The following NKAIN2 variants were observed in gnomAD, a reference collection of about 807,000 sequenced individuals.
The protein encoded by NKAIN2 is sodium/potassium-transporting ATPase subunit beta-1-interacting protein 2.
Under a neutral mutation model 32.6 loss-of-function variants are expected in NKAIN2, and 14 were observed. The observed-to-expected ratio is 0.43, with a 90% confidence interval of 0.28 to 0.67. The LOEUF (loss-of-function observed/expected upper bound fraction) is 0.67, where lower values mean the gene tolerates loss of function less well. NKAIN2 is among the 30% of genes least tolerant of loss of function. The probability of loss-of-function intolerance (pLI) is 0.17; values close to 1 mark genes in which losing one functional copy is unlikely to be tolerated. For synonymous variants in NKAIN2, 80 were observed against 87.2 expected, an observed-to-expected ratio of 0.92 and a Z score of 0.46; for missense variants, 198 against 258.3, an observed-to-expected ratio of 0.77 and a Z score of 1.60.
At chr6:124,533,397 G>C (rs1046048193) in intron 3 of NKAIN2, among the ~76,000 whole-genome samples, 5 of 145,406 alleles carry the variant, frequency 3.4e-5, no homozygotes, top group Non-Finnish European at 6.0e-5. Flanking sequence ...GCGTGAACCC[G>C]GGAGGTGGAG....
intron 4 of NKAIN2, among the ~76,000 whole-genome samples, chr6:124,667,695 G>T (rs1056867720): frequency 4.6e-5 from 7 of 152,000 alleles, no homozygotes; most frequent in Non-Finnish European, 7.4e-5. Flanking sequence ...AATAATAGTA[G>T]GATATGTTAG....
intron 1 of NKAIN2, among the ~76,000 whole-genome samples, chr6:124,095,768 G>A (rs1438120898): frequency 1.3e-5 from 2 of 152,074 alleles, no homozygotes; most frequent in Non-Finnish European, 2.9e-5. Context: ...ATAATACGAA[G>A]TGATCATGTT....
At chr6:124,596,198 G>C (rs1782079813) in intron 3 of NKAIN2, among the ~76,000 whole-genome samples, 1 of 152,168 alleles carries the variant, frequency 6.6e-6, no homozygotes, top group Non-Finnish European at 1.5e-5. Flanking sequence ...TGAATGTTGG[G>C]GTGGGGAACA....
intron 3 of NKAIN2, among the ~76,000 whole-genome samples, chr6:124,469,988 T>A (rs1326067602): frequency 1.3e-5 from 2 of 152,008 alleles, no homozygotes; most frequent in African/African-American, 2.4e-5. Flanking sequence ...AGGATTACTC[T>A]GGAGTTACAG....
chr6:124,801,826 A>G (rs1203622872), intron 5 of NKAIN2, among the ~76,000 whole-genome samples: 2 of 152,232 alleles, frequency 1.3e-5, no homozygotes, highest in African/African-American at 4.8e-5. Context: ...CCTAAGGGAT[A>G]AATTAGAGGA....
rs989288343 is a variant in NKAIN2 at position 124,411,995 on chromosome 6, C to A, written c.273+56648C>A. The stretch of plus-strand genomic sequence containing the variant: ...CATTGGTTACTGAGGCTTGTGCATT[C>A]ATCACGTGGTTCTCGTGCCGTGGTT... On this transcript the variant is annotated intron_variant, in intron 3 of 6. Transcript: ENST00000368417. Among the ~76,000 whole-genome samples the A allele has an allele frequency of 3.9e-5, 6 of 152,324 alleles. No homozygotes were observed. The South Asian group carries it at 8.3e-4, about 21-fold the overall frequency.
rs80080511 is a variant in NKAIN2, at chr6:124,792,555, G to A, written c.535+1156G>A. On this transcript the variant is annotated intron_variant, in intron 5 of 6. Coordinates refer to ENST00000368417, the MANE Select transcript of NKAIN2 (RefSeq NM_001040214.3). ...GTCATACATAATATTTTACCTGTAG[G>A]AACTTGCCAACTAGGAGGTTAAAAC... is the stretch of plus-strand genomic sequence containing the variant. 3.7e-3 allele frequency among the ~76,000 whole-genome samples: 561 copies of A among 152,240 alleles called. 2 individuals carry two copies. Among genetic ancestry groups the A allele is most frequent in the African/African-American group, 0.013 (542 of 41,542 alleles).
At chr6:124,352,000 T>C (rs1798756360) in intron 2 of NKAIN2, among the ~76,000 whole-genome samples, 1 of 152,158 alleles carries the variant, frequency 6.6e-6, no homozygotes, top group Non-Finnish European at 1.5e-5. Flanking sequence ...TAGTGAAAAT[T>C]CAAGTATTGT....
intron 1 of NKAIN2, among the ~76,000 whole-genome samples, chr6:124,248,135 A>C (rs114049289): frequency 6.6e-6 from 1 of 152,136 alleles, no homozygotes; most frequent in Non-Finnish European, 1.5e-5. Context: ...ATTGACCAGT[A>C]TGTCAATAAA....
At position 124,801,642 on chromosome 6, in the gene NKAIN2, C is replaced by A. The variant is rs187075252; in HGVS notation, c.535+10243C>A. On this transcript the variant is annotated intron_variant, in intron 5 of 6. Transcript: ENST00000368417. ...ACAGGTACCATCTTTGCCTTTATGGCGCCTACAATCCAGTGCACAATTTAC... is the reference window on the plus strand; with the variant it reads ...ACAGGTACCATCTTTGCCTTTATGGAGCCTACAATCCAGTGCACAATTTAC... Among the ~76,000 whole-genome samples the A allele has an allele frequency of 2.0e-5, 3 of 152,168 alleles. No individual in the cohort carries two copies. In the East Asian group the frequency reaches 5.8e-4, roughly 29 times the overall value.
At chr6:123,884,074 A>G (rs182456586) in intron 1 of NKAIN2, among the ~76,000 whole-genome samples, 87 of 151,976 alleles carry the variant, frequency 5.7e-4, no homozygotes, top group African/African-American at 1.9e-3. Context: ...TAAGCCTAGT[A>G]CCCATTAGGT....
At chr6:124,324,524 C>T (rs930212501) in intron 2 of NKAIN2, among the ~76,000 whole-genome samples, 1 of 151,974 alleles carries the variant, frequency 6.6e-6, no homozygotes, top group Non-Finnish European at 1.5e-5. Context: ...TAAGTAGATT[C>T]AACTGAATTC....
intron 1 of NKAIN2, among the ~76,000 whole-genome samples, chr6:124,160,225 A>T (rs1015319793): frequency 6.6e-6 from 1 of 152,174 alleles, no homozygotes; most frequent in Non-Finnish European, 1.5e-5. Context: ...CCCTCGCTTT[A>T]TCTATACAGC....
chr6:123,851,928 T>G (rs1775364484), intron 1 of NKAIN2, among the ~76,000 whole-genome samples: 1 of 152,140 alleles, frequency 6.6e-6, no homozygotes. Context: ...TTATTTTTAT[T>G]TTTTTTGCTG....
chr6:124,592,241 C>T (rs1039254892), intron 3 of NKAIN2, among the ~76,000 whole-genome samples: 3 of 152,114 alleles, frequency 2.0e-5, no homozygotes, highest in African/African-American at 4.8e-5. Context: ...ACAAAAAATA[C>T]TTGAGGTTAT....
intron 1 of NKAIN2, among the ~76,000 whole-genome samples, chr6:123,812,660 G>A (rs907432941): frequency 3.3e-5 from 5 of 152,212 alleles, no homozygotes; most frequent in East Asian, 3.9e-4. Flanking sequence ...CAGTGGATGA[G>A]GAGCAATGTC....
chr6:124,551,818 G>T (rs1780297909), intron 3 of NKAIN2, among the ~76,000 whole-genome samples: 1 of 152,192 alleles, frequency 6.6e-6, no homozygotes, highest in Non-Finnish European at 1.5e-5. Context: ...ACAAATTGAT[G>T]CAGGGATGTG....
chr6:124,823,180 A>G lies in NKAIN2; in HGVS notation c.618-40A>G. ...AGGTGGTGAGCAGCAGGCACCTGTC[A>G]CTTTCCCCCTTGACTAAAAACATCT... On this transcript the variant is annotated intron_variant, in intron 6 of 6. Transcript: ENST00000368417. 2 of 1,455,048 alleles carry G rather than the reference A, an allele frequency of 1.4e-6. 1 individual carries two copies. The highest frequency in any genetic ancestry group is 1.9e-6 in the Non-Finnish European group (2 of 1,032,590). The allele number at this position is 1,455,048 out of a possible 1,614,324, so 90.1% of individuals were successfully genotyped here.
chr6:124,631,477 T>TAC (rs1331413660), intron 3 of NKAIN2, among the ~76,000 whole-genome samples: 9 of 152,204 alleles, frequency 5.9e-5, no homozygotes, highest in African/African-American at 1.4e-4. Context: ...GTCTCTGTCT[T>TAC]ATAATCACCA....
Sources: gnomAD v4.1 joint callset for allele counts (sites outside exome capture counted in the v4.1 genomes callset) on GRCh38, gnomAD v4.1.1 for gene constraint, MANE v1.5 for transcripts, NCBI Gene and HGNC (gene_info 2026-07-23, HGNC 2026-07-21) for gene names.